The following PYGB variants were observed in gnomAD, a reference collection of about 807,000 sequenced individuals.
PYGB encodes glycogen phosphorylase, brain form.
In PYGB, 82 loss-of-function variants were observed where a neutral mutation model predicts 94.3. The ratio of observed to expected loss-of-function variants is 0.87; its 90% CI spans 0.73 to 1.04. The LOEUF is 1.04. Among genes scored for constraint, PYGB ranks in the 50% least tolerant of loss-of-function variants. The probability of loss-of-function intolerance (pLI) is 0.00; values close to 1 mark genes in which losing one functional copy is unlikely to be tolerated. For synonymous variants in PYGB, 488 were observed against 479.1 expected, an observed-to-expected ratio of 1.02 and a Z score of -0.24; for missense variants, 1,132 against 1,158.2, an observed-to-expected ratio of 0.98 and a Z score of 0.33.
intron 1 of PYGB, 29 bp downstream of exon 1, chr20:25,248,450 G>A: frequency 7.4e-7 from 1 of 1,349,980 alleles, no homozygotes. Context: ...CTGTGCGCCC[G>A]TGCCCGCTGA....
At chr20:25,280,472 C>G (rs974723489) in intron 10 of PYGB, 60 bp downstream of exon 10, 50 of 1,576,818 alleles carry the variant, frequency 3.2e-5, no homozygotes, top group Non-Finnish European at 4.0e-5. Context: ...AACGGCCCCC[C>G]ACCTGGCCTG....
At chr20:25,255,726 C>A (rs1311391371) in intron 1 of PYGB, among the ~76,000 whole-genome samples, 5 of 149,092 alleles carry the variant, frequency 3.4e-5, no homozygotes, top group African/African-American at 1.3e-4. Flanking sequence ...GTGAAAGCAG[C>A]CGCCCAACTC....
In PYGB at chr20:25,283,709, C is replaced by T. The variant is rs537036173; in HGVS notation, c.1621-395C>T. Among the ~76,000 whole-genome samples, 4 of 152,328 alleles carry T rather than the reference C, an allele frequency of 2.6e-5. No individual in the cohort carries two copies. In the South Asian group the frequency reaches 6.2e-4, roughly 24 times the overall value. On this transcript the variant is annotated intron_variant, in intron 13 of 19. Coordinates refer to ENST00000216962, the MANE Select transcript of PYGB (RefSeq NM_002862.4). Reference sequence around the variant, plus strand: ...AGTCACGGCAGCCTTCAAACCTCAGCGGGCTGGAGGCCCATCTACACAGCC... The same window carrying T: ...AGTCACGGCAGCCTTCAAACCTCAGTGGGCTGGAGGCCCATCTACACAGCC...
intron 16 of PYGB, 87 bp downstream of exon 16, chr20:25,290,709 C>G (rs1049813500): frequency 6.5e-7 from 1 of 1,532,954 alleles, no homozygotes; most frequent in Non-Finnish European, 8.9e-7. Context: ...CATCCTCAGC[C>G]AGTTCAGCTC....
At chr20:25,291,021 C>T (rs781738263) in intron 16 of PYGB, among the ~76,000 whole-genome samples, 2 of 151,974 alleles carry the variant, frequency 1.3e-5, no homozygotes, top group Non-Finnish European at 1.5e-5. Flanking sequence ...CTCCTCCTGC[C>T]CCTCAGCCGT....
intron 2 of PYGB, among the ~76,000 whole-genome samples, chr20:25,265,618 G>A (rs1421702092): frequency 1.5e-5 from 2 of 136,508 alleles, no homozygotes; most frequent in African/African-American, 5.8e-5. Context: ...TTTTTGAAAT[G>A]GAGTCTTGCT....
chr20:25,288,790 GT>G (rs2088440991), intron 15 of PYGB, among the ~76,000 whole-genome samples: 1 of 152,190 alleles, frequency 6.6e-6, no homozygotes, highest in Non-Finnish European at 1.5e-5. Context: ...GGCACAGGGC[GT>G]TGTGGCTGCT....
chr20:25,266,367 C>T (rs745336068), intron 2 of PYGB, among the ~76,000 whole-genome samples: 1 of 151,758 alleles, frequency 6.6e-6, no homozygotes, highest in Non-Finnish European at 1.5e-5. Flanking sequence ...GAAATCGAAC[C>T]CCTACCTCAC....
chr20:25,255,539 A>G (rs2092900479), intron 1 of PYGB, among the ~76,000 whole-genome samples: 1 of 152,124 alleles, frequency 6.6e-6, no homozygotes, highest in Admixed American at 6.5e-5. Flanking sequence ...AGGGAGGGAC[A>G]CTCTGCCCTG....
At chr20:25,280,853 C>T (rs1204030052) in intron 10 of PYGB, 96 bp from the exon 11 acceptor site, 12 of 1,464,570 alleles carry the variant, frequency 8.2e-6, no homozygotes, top group African/African-American at 1.4e-5. Flanking sequence ...CAGAGCTTCC[C>T]ATGGGTGGTC....
At chr20:25,291,229 G>T (rs563183059) in intron 16 of PYGB, among the ~76,000 whole-genome samples, 1 of 152,354 alleles carries the variant, frequency 6.6e-6, no homozygotes, top group South Asian at 2.1e-4. Context: ...GCCTGGGCCA[G>T]TCCTGGGGAG....
intron 3 of PYGB, 52 bp from the exon 4 acceptor site, chr20:25,271,331 G>T (rs1717117911): frequency 6.4e-7 from 1 of 1,560,392 alleles, no homozygotes; most frequent in African/African-American, 1.4e-5. Flanking sequence ...CTCCGCATGG[G>T]ACCTTGGTGC....
chr20:25,294,149 G>A lies in PYGB; in HGVS notation c.2178-9G>A, dbSNP rs368052636. The A allele has an allele frequency of 2.7e-5, 44 of 1,612,852 alleles. No individual in the cohort carries two copies. Among genetic ancestry groups the A allele is most frequent in the East Asian group, 2.2e-4 (10 of 44,874 alleles). On this transcript the variant is annotated splice_polypyrimidine_tract_variant and intron_variant, in intron 17 of 19. Coordinates refer to ENST00000216962, the MANE Select transcript of PYGB (RefSeq NM_002862.4). ...GCTGGCTGCTGACTCCTGGCCCATC[G>A]CCTCACAGGTACAATGCCAGGGAGT...
chr20:25,271,176 G>A (rs575016753), intron 3 of PYGB, among the ~76,000 whole-genome samples: 4 of 152,072 alleles, frequency 2.6e-5, no homozygotes, highest in South Asian at 4.2e-4. Context: ...ATCCTCCCAC[G>A]CCCTTCGAGT....
intron 2 of PYGB, 39 bp downstream of exon 2, chr20:25,259,377 G>A (rs200323542): frequency 1.9e-5 from 28 of 1,495,922 alleles, no homozygotes; most frequent in South Asian, 2.3e-5. Flanking sequence ...GTGGCCCCTC[G>A]TGGTGCTTTG....
chr20:25,296,442 A>G lies in PYGB; in HGVS notation c.2452A>G (p.Ile818Val), dbSNP rs754026365. The part of the protein sequence containing the change: ...CSGKFSSDRT[I>V]TEYAREIWGV... ...GGGCAAGTTCTCCAGTGACCGGACC[A>G]TCACGGAGTATGCACGGGAGATCTG... Residue 818 changes from isoleucine to valine, a missense_variant, in exon 20 of 20, where the codon ATC becomes GTC. Physicochemically the swap from Ile to Val is conservative, Grantham distance 29. Coordinates refer to ENST00000216962, the MANE Select transcript of PYGB (RefSeq NM_002862.4). 5.6e-6 allele frequency: 9 copies of G among 1,613,918 alleles called. No homozygotes were observed. The highest frequency in any genetic ancestry group is 7.6e-6 in the Non-Finnish European group (9 of 1,180,032).
intron 16 of PYGB, among the ~76,000 whole-genome samples, chr20:25,291,520 G>A (rs1250211222): frequency 6.6e-6 from 1 of 152,208 alleles, no homozygotes; most frequent in Non-Finnish European, 1.5e-5. Context: ...CTGCTGCCTT[G>A]GTGTCCATGT....
At chr20:25,279,269 T>C in intron 9 of PYGB, 120 bp downstream of exon 9, 1 of 1,108,760 alleles carries the variant, frequency 9.0e-7, no homozygotes, top group Non-Finnish European at 1.3e-6. Context: ...GTGGTCATCA[T>C]GCCCAGGAGA....
Position 25,271,496 on chromosome 20 carries a change from A to AT in PYGB, c.528+13dup. 6.2e-7 allele frequency: 1 copy of AT among 1,604,650 alleles called. No individual in the cohort carries two copies. Among genetic ancestry groups the AT allele is most frequent in the South Asian group, 1.1e-5 (1 of 90,924 alleles). ...TGTCAATGGCTGGCAGGTGGGTGAG[A>AT]TTTCATTTCTTCACTGGTTTCCAGC... On this transcript the variant is annotated intron_variant, in intron 4 of 19. Coordinates refer to ENST00000216962, the MANE Select transcript of PYGB (RefSeq NM_002862.4).
Sources: allele counts gnomAD v4.1 joint callset (sites outside exome capture counted in the v4.1 genomes callset), GRCh38; gene constraint gnomAD v4.1.1; transcripts MANE v1.5; gene names NCBI Gene and HGNC (gene_info 2026-07-23, HGNC 2026-07-21).